PCDHGB3: variants seen among roughly 807,000 people sequenced by gnomAD.
PCDHGB3 encodes protocadherin gamma subfamily B, 3.
A neutral mutation model predicts 59.2 loss-of-function variants in PCDHGB3; 40 were observed. The observed-to-expected ratio is 0.68, with a 90% CI of 0.52 to 0.88. PCDHGB3 has a LOEUF of 0.88. Among genes scored for constraint, PCDHGB3 ranks in the 40% least tolerant of loss-of-function variants. The pLI, the probability that PCDHGB3 is intolerant of heterozygous loss-of-function variation, is 0.00. For synonymous variants in PCDHGB3, 581 were observed against 503.6 expected, an observed-to-expected ratio of 1.15 and a Z score of -2.06; for missense variants, 1,309 against 1,187.9, an observed-to-expected ratio of 1.10 and a Z score of -1.50.
chr5:141,486,391 C>T lies in PCDHGB3; in HGVS notation c.2416-8416C>T. The T allele has an allele frequency of 6.2e-7, 1 of 1,614,112 alleles. No individual in the cohort carries two copies. The highest frequency in any genetic ancestry group is 8.5e-7 in the Non-Finnish European group (1 of 1,179,984). Reference sequence around the variant, plus strand: ...AGTCTGCCTTCAGGAACCAGTTCTCCCTGGTGACTGCTGGACCCTTGGATC... The same window carrying T: ...AGTCTGCCTTCAGGAACCAGTTCTCTCTGGTGACTGCTGGACCCTTGGATC... On this transcript the variant is annotated intron_variant, in intron 1 of 3. Transcript: ENST00000576222. The surrounding 1 kb of genome is among the most constrained non-coding windows in gnomAD (Gnocchi z 5.0).
intron 1 of PCDHGB3, among the ~76,000 whole-genome samples, chr5:141,407,414 C>T (rs1190741475): frequency 6.6e-6 from 1 of 152,156 alleles, no homozygotes; most frequent in Non-Finnish European, 1.5e-5. Flanking sequence ...TTCGATACCA[C>T]AAAAATGTCT....
Position 141,476,019 on chromosome 5 carries a change from C to T in PCDHGB3, c.2416-18788C>T, listed in dbSNP as rs964061075. The T allele has an allele frequency of 3.9e-5, 54 of 1,390,282 alleles. 1 individual carries two copies. Among genetic ancestry groups the T allele is most frequent in the Non-Finnish European group, 4.9e-5 (51 of 1,034,212 alleles). 86.1% of individuals were successfully genotyped at this position (1,390,282 alleles called of 1,614,324 possible). A position where few individuals can be genotyped will look rare whatever the true frequency, so the allele number is the denominator to read the frequency against. Reference sequence around the variant, plus strand: ...ACGGCATCCAGAAAGCCATGTCGGACTCGGCGCCCAGCGCCCAAGCGCTAA... The same window carrying T: ...ACGGCATCCAGAAAGCCATGTCGGATTCGGCGCCCAGCGCCCAAGCGCTAA... On this transcript the variant is annotated intron_variant, in intron 1 of 3. Transcript: ENST00000576222. This position sits in a 1 kb window ranked among gnomAD's most constrained non-coding sequence, Gnocchi z 7.6.
chr5:141,500,434 C>T (rs1216731905), intron 2 of PCDHGB3, among the ~76,000 whole-genome samples: 1 of 152,014 alleles, frequency 6.6e-6, no homozygotes, highest in Non-Finnish European at 1.5e-5. Flanking sequence ...TGGTCTCGAT[C>T]TCCTGACCTC....
intron 2 of PCDHGB3, among the ~76,000 whole-genome samples, chr5:141,500,985 C>T (rs2099804537): frequency 6.6e-6 from 1 of 152,048 alleles, no homozygotes; most frequent in Non-Finnish European, 1.5e-5. Flanking sequence ...TCTCCTGCCT[C>T]AGCCTCCTGA....
chr5:141,390,300 T>C, intron 1 of PCDHGB3: 2 of 1,613,822 alleles, frequency 1.2e-6, no homozygotes, highest in Non-Finnish European at 1.7e-6. Flanking sequence ...CCTTTAAGTA[T>C]AATTTAATGC....
At chr5:141,423,790 T>C (rs1561813105) in intron 1 of PCDHGB3, 2 of 1,261,874 alleles carry the variant, frequency 1.6e-6, no homozygotes, top group Non-Finnish European at 1.0e-6. Context: ...TTCATATATA[T>C]TTAGAGCAAT....
At chr5:141,500,340 C>A (rs188966393) in intron 2 of PCDHGB3, among the ~76,000 whole-genome samples, 92 of 152,066 alleles carry the variant, frequency 6.0e-4, no homozygotes, top group African/African-American at 2.1e-3. Flanking sequence ...TCCAGAATAG[C>A]TGGGACTACA....
Position 141,476,962 on chromosome 5 carries a change from C to T in PCDHGB3, c.2416-17845C>T. The stretch of plus-strand genomic sequence containing the variant: ...GCCCCAACGGTGAAATTATTTACTC[C>T]TTCGGCAGCCACAACCGCGCCGGCG... On this transcript the variant is annotated intron_variant, in intron 1 of 3. Coordinates refer to ENST00000576222, the MANE Select transcript of PCDHGB3 (RefSeq NM_018924.5). The surrounding 1 kb of genome is among the most constrained non-coding windows in gnomAD (Gnocchi z 7.6). 6.2e-7 allele frequency: 1 copy of T among 1,614,200 alleles called. No homozygotes were observed. Among genetic ancestry groups the T allele is most frequent in the South Asian group, 1.1e-5 (1 of 91,090 alleles).
Position 141,485,291 on chromosome 5 carries a change from CAGGA to C in PCDHGB3, c.2416-9512_2416-9509del. ...CCGCTACCCGGTCCCAGAGGAGTCA[CAGGA>C]AGGGACTTTTGTAGGGAATGTCGCT... On this transcript the variant is annotated intron_variant, in intron 1 of 3. Transcript: ENST00000576222. The surrounding 1 kb of genome is among the most constrained non-coding windows in gnomAD (Gnocchi z 5.7). 1 of 1,614,152 alleles carries C rather than the reference CAGGA, an allele frequency of 6.2e-7. No individual in the cohort carries two copies. Among genetic ancestry groups the C allele is most frequent in the Non-Finnish European group, 8.5e-7 (1 of 1,179,992 alleles).
chr5:141,382,167 G>A (rs1003056701), intron 1 of PCDHGB3, among the ~76,000 whole-genome samples: 7 of 152,038 alleles, frequency 4.6e-5, no homozygotes, highest in African/African-American at 1.7e-4. Context: ...GAAGGTGTTA[G>A]ACCGTCTCTA....
At chr5:141,384,886 G>A in intron 1 of PCDHGB3, 1 of 1,613,822 alleles carries the variant, frequency 6.2e-7, no homozygotes. Context: ...ACTCACCGTG[G>A]CTGTGGCTGA....
rs2099085120 is a variant in PCDHGB3, at chr5:141,464,455, T to C, written c.2416-30352T>C. Among the ~76,000 whole-genome samples, 2 of 151,794 alleles carry C rather than the reference T, an allele frequency of 1.3e-5. 1 individual carries two copies. Among genetic ancestry groups the C allele is most frequent in the Non-Finnish European group, 2.9e-5 (2 of 67,958 alleles). On this transcript the variant is annotated intron_variant, in intron 1 of 3. Coordinates refer to ENST00000576222, the MANE Select transcript of PCDHGB3 (RefSeq NM_018924.5). ...TATATGTTTGTTGTTGTTGTTGTTA[T>C]TTTTGAAGTATGTACGTATAATAAA...
chr5:141,497,197 A>G (rs1243476120), intron 2 of PCDHGB3, among the ~76,000 whole-genome samples: 2 of 106,804 alleles, frequency 1.9e-5, no homozygotes, highest in African/African-American at 5.7e-5. Flanking sequence ...GCAGAGAACA[A>G]TGTGAGTGTA....
chr5:141,374,154 G>A (rs376984494), intron 1 of PCDHGB3: 19 of 1,611,790 alleles, frequency 1.2e-5, no homozygotes, highest in East Asian at 2.2e-5. Flanking sequence ...GGGACGCTGT[G>A]GGGGGCCGCG....
rs891428609 is a variant in PCDHGB3, at chr5:141,503,553, C to T, written c.2475-1840C>T. Among the ~76,000 whole-genome samples the T allele has an allele frequency of 9.4e-5, 14 of 149,164 alleles. No homozygotes were observed. In the East Asian group the frequency reaches 2.2e-3, roughly 23 times the overall value. On this transcript the variant is annotated intron_variant, in intron 2 of 3. Coordinates refer to ENST00000576222, the MANE Select transcript of PCDHGB3 (RefSeq NM_018924.5). ...GGCAGAGGTTGCAGTGAGCCGAGAT[C>T]GCGCCACTGTACTCCAGCCTGGGTG...
intron 1 of PCDHGB3, chr5:141,412,841 G>A (rs1285924844): frequency 4.9e-6 from 1 of 206,050 alleles, no homozygotes; most frequent in Non-Finnish European, 9.6e-6. Flanking sequence ...AAAGATAGGA[G>A]TGGAGAAACC....
rs2099692694 is a variant in PCDHGB3, at chr5:141,489,817, GAGCTGGTGCTAGAGCAGC to G, written c.2416-4983_2416-4966del. On this transcript the variant is annotated intron_variant, in intron 1 of 3. Transcript: ENST00000576222. This position sits in a 1 kb window ranked among gnomAD's most constrained non-coding sequence, Gnocchi z 4.5. ...CCTAAAAGATGGGAAGCCATTCCCA[GAGCTGGTGCTAGAGCAGC>G]AGCTGGATCGTGAAGCCCAGGCAAG... 6 of 1,613,992 alleles carry G rather than the reference GAGCTGGTGCTAGAGCAGC, an allele frequency of 3.7e-6. No individual in the cohort carries two copies. Among genetic ancestry groups the G allele is most frequent in the Non-Finnish European group, 5.1e-6 (6 of 1,179,944 alleles).
chr5:141,428,081 C>T (rs768842388), intron 1 of PCDHGB3: 2 of 1,609,218 alleles, frequency 1.2e-6, no homozygotes, highest in Non-Finnish European at 1.7e-6. Context: ...CGGGACACAA[C>T]GCTTGGCTGT....
chr5:141,422,836 G>A, intron 1 of PCDHGB3: 1 of 1,614,250 alleles, frequency 6.2e-7, no homozygotes, highest in Middle Eastern at 1.6e-4. Flanking sequence ...GATAGCACGT[G>A]ACAGCGGGGA....
Sources: gnomAD v4.1 joint callset for allele counts (sites outside exome capture counted in the v4.1 genomes callset) on GRCh38, gnomAD v4.1.1 for gene constraint, Gnocchi (gnomAD v3.1) non-coding constraint, MANE v1.5 for transcripts, NCBI Gene and HGNC (gene_info 2026-07-23, HGNC 2026-07-21) for gene names.